PLS1: variants seen among roughly 807,000 people sequenced by gnomAD.
PLS1 encodes the protein plastin-1.
A neutral mutation model predicts 73.7 loss-of-function variants in PLS1; 32 were observed. The ratio of observed to expected loss-of-function variants is 0.43; its 90% confidence interval spans 0.33 to 0.58. PLS1 has a LOEUF of 0.58. PLS1 is among the 20% of genes least tolerant of loss of function. The pLI is 0.04. For synonymous variants in PLS1, 217 were observed against 261.3 expected (o/e 0.83, Z 1.63); for missense variants, 633 against 740.5 (o/e 0.85, Z 1.68).
At chr3:142,705,324 C>T (rs367615725) in intron 14 of PLS1, among the ~76,000 whole-genome samples, 13 of 152,154 alleles carry the variant, frequency 8.5e-5, no homozygotes, top group African/African-American at 2.4e-4. Context: ...CCAGCCAAAC[C>T]GATTCAAGTG....
At chr3:142,630,562 C>A (rs2036536041) in intron 1 of PLS1, among the ~76,000 whole-genome samples, 1 of 151,774 alleles carries the variant, frequency 6.6e-6, no homozygotes, top group Non-Finnish European at 1.5e-5. Context: ...ACCAGCCTGG[C>A]CAACATGGTG....
intron 1 of PLS1, among the ~76,000 whole-genome samples, chr3:142,628,350 TGTGCATGCAGTGTGCATGTGTGCGC>T (rs1560037263): frequency 0.031 from 951 of 30,270 alleles, 12 homozygotes; most frequent in African/African-American, 0.31. Flanking sequence ...TGCGCGCACA[TGTGCATGCAGTGTGCATGTGTGCGC>T]GCACATGTGC....
chr3:142,654,527 CT>C (rs2037175523), intron 1 of PLS1, among the ~76,000 whole-genome samples: 1 of 151,762 alleles, frequency 6.6e-6, no homozygotes, highest in African/African-American at 2.4e-5. Flanking sequence ...AATTTTTTTT[CT>C]TTTTTTGTAG....
At chr3:142,639,635 A>C (rs1035740182) in intron 1 of PLS1, among the ~76,000 whole-genome samples, 1 of 152,126 alleles carries the variant, frequency 6.6e-6, no homozygotes, top group Non-Finnish European at 1.5e-5. Flanking sequence ...ACTTATACTA[A>C]CATTGCTGTT....
At chr3:142,691,179 C>T (rs116268250) in intron 10 of PLS1, among the ~76,000 whole-genome samples, 1,693 of 151,682 alleles carry the variant, frequency 0.011, 38 homozygotes, top group African/African-American at 0.039. Flanking sequence ...GATTAATGAA[C>T]GACGTTTCAG....
chr3:142,699,912 T>G (rs2038291118), intron 12 of PLS1, among the ~76,000 whole-genome samples: 1 of 152,206 alleles, frequency 6.6e-6, no homozygotes, highest in Admixed American at 6.5e-5. Context: ...TTTAATTTCA[T>G]TTGATTTGCA....
chr3:142,658,877 A>G (rs975691991), intron 1 of PLS1, among the ~76,000 whole-genome samples: 14 of 152,236 alleles, frequency 9.2e-5, no homozygotes, highest in African/African-American at 3.4e-4. Context: ...AAAACTAGTT[A>G]TGATGCTTGC....
At chr3:142,681,425 T>C (rs2037854522) in intron 6 of PLS1, among the ~76,000 whole-genome samples, 1 of 152,202 alleles carries the variant, frequency 6.6e-6, no homozygotes, top group African/African-American at 2.4e-5. Context: ...TGGTAATTTC[T>C]ATTAGTGATA....
chr3:142,653,441 A>C (rs977355279), intron 1 of PLS1, among the ~76,000 whole-genome samples: 10 of 149,184 alleles, frequency 6.7e-5, no homozygotes, highest in African/African-American at 2.5e-4. Flanking sequence ...GCTCACTGCA[A>C]CCCACACCTC....
At chr3:142,621,486 A>G (rs898644485) in intron 1 of PLS1, among the ~76,000 whole-genome samples, 1 of 152,260 alleles carries the variant, frequency 6.6e-6, no homozygotes, top group Admixed American at 6.5e-5. Flanking sequence ...ATAGTCATAC[A>G]TGGACTATTA....
chr3:142,641,300 AAAT>A (rs1560044255), intron 1 of PLS1, among the ~76,000 whole-genome samples: 2 of 146,556 alleles, frequency 1.4e-5, no homozygotes, highest in African/African-American at 5.0e-5. Flanking sequence ...ATATATAGAT[AAAT>A]AATATATATA....
chr3:142,700,744 T>A (rs1372194932), intron 12 of PLS1, among the ~76,000 whole-genome samples: 1 of 152,268 alleles, frequency 6.6e-6, no homozygotes, highest in African/African-American at 2.4e-5. Flanking sequence ...TGGTAATTGA[T>A]ATGGTTTGGC....
At position 142,614,893 on chromosome 3, in the gene PLS1, T is replaced by G. The variant is rs149269201; in HGVS notation, c.-37+18384T>G. On this transcript the variant is annotated intron_variant, in intron 1 of 15. Transcript: ENST00000457734. ...CTGGAGAAAGAGGGGCTGGAAGTGTTGAATGCTGTTGGGGACTTCAACAGC... is the reference window on the plus strand; with the variant it reads ...CTGGAGAAAGAGGGGCTGGAAGTGTGGAATGCTGTTGGGGACTTCAACAGC... Among the ~76,000 whole-genome samples the G allele has an allele frequency of 6.5e-4, 99 of 152,046 alleles. 1 individual carries two copies. In the East Asian group the frequency reaches 0.013, roughly 20 times the overall value.
intron 2 of PLS1, among the ~76,000 whole-genome samples, chr3:142,665,279 TA>T (rs142241902): frequency 6.6e-4 from 45 of 68,584 alleles, no homozygotes; most frequent in Non-Finnish European, 8.3e-4. Flanking sequence ...ACGATATGTT[TA>T]AAAAAAAAAA....
At chr3:142,618,279 A>T (rs2036250628) in intron 1 of PLS1, among the ~76,000 whole-genome samples, 1 of 152,144 alleles carries the variant, frequency 6.6e-6, no homozygotes, top group African/African-American at 2.4e-5. Context: ...ACCCTGCTGC[A>T]TCTCCCAAGT....
intron 1 of PLS1, among the ~76,000 whole-genome samples, chr3:142,657,654 T>A (rs927843256): frequency 6.6e-6 from 1 of 151,990 alleles, no homozygotes; most frequent in African/African-American, 2.4e-5. Flanking sequence ...CACACCTGGC[T>A]AATTTTTGTA....
chr3:142,622,756 T>C (rs2036340539), intron 1 of PLS1, among the ~76,000 whole-genome samples: 1 of 152,258 alleles, frequency 6.6e-6, no homozygotes, highest in Admixed American at 6.5e-5. Flanking sequence ...TAACGCTGTA[T>C]AATACTATAA....
chr3:142,622,900 G>T (rs1032784815), intron 1 of PLS1, among the ~76,000 whole-genome samples: 3 of 152,094 alleles, frequency 2.0e-5, no homozygotes, highest in Non-Finnish European at 4.4e-5. Context: ...AATTATTTCT[G>T]GGAATTAATT....
At chr3:142,613,608 C>T (rs1397498133) in intron 1 of PLS1, among the ~76,000 whole-genome samples, 1 of 152,168 alleles carries the variant, frequency 6.6e-6, no homozygotes, top group Non-Finnish European at 1.5e-5. Flanking sequence ...TGCTGACTCA[C>T]TAATCTAATC....
Sources: allele counts gnomAD v4.1 joint callset (sites outside exome capture counted in the v4.1 genomes callset), GRCh38; gene constraint gnomAD v4.1.1; transcripts MANE v1.5; gene names NCBI Gene and HGNC (gene_info 2026-07-23, HGNC 2026-07-21).